The following CFAP52 variants were observed in gnomAD, a reference collection of about 807,000 sequenced individuals.
The protein encoded by CFAP52 is cilia- and flagella-associated protein 52.
CFAP52 carries 57 observed loss-of-function variants against 70.5 expected under a neutral mutation model. The ratio of observed to expected loss-of-function variants is 0.81; its 90% confidence interval spans 0.65 to 1.01. The LOEUF (loss-of-function observed/expected upper bound fraction) is 1.01. Ranked by LOEUF, CFAP52 falls within the 50% of genes least tolerant of loss-of-function variation. The pLI, the probability that CFAP52 is intolerant of heterozygous loss-of-function variation, is 0.00. For synonymous variants in CFAP52, 267 were observed against 292.5 expected, an observed-to-expected ratio of 0.91 and a Z score of 0.89; for missense variants, 785 against 788.5, an observed-to-expected ratio of 1.00 and a Z score of 0.05.
chr17:9,577,759 T>C (rs1228090776), intron 1 of CFAP52, among the ~76,000 whole-genome samples: 2 of 152,204 alleles, frequency 1.3e-5, no homozygotes, highest in African/African-American at 2.4e-5. Context: ...GGTTGCATAA[T>C]GTCACTTGTT....
At chr17:9,635,367 C>A (rs201768867) in intron 10 of CFAP52, 38 bp from the exon 11 acceptor site, 2 of 1,612,006 alleles carry the variant, frequency 1.2e-6, no homozygotes, top group Non-Finnish European at 1.7e-6. Context: ...TCAGAAGTCC[C>A]AAGTGTGGAT....
chr17:9,606,316 G>A (rs1909487367), intron 6 of CFAP52, among the ~76,000 whole-genome samples: 1 of 152,168 alleles, frequency 6.6e-6, no homozygotes, highest in East Asian at 1.9e-4. Context: ...CCGGGAGTTC[G>A]TGGTTACAGT....
Position 9,585,971 on chromosome 17 carries a change from A to G in CFAP52, c.269A>G (p.Lys90Arg). The change falls in exon 2 of 14, where the codon AAG (lysine) becomes AGG (arginine). Residue 90 changes from lysine to arginine, a missense_variant and splice_region_variant. Transcript: ENST00000352665. ...ASGQVTFMGF[K>R]ADIILWDYKN... ...GGACAAGTCACATTCATGGGGTTCA[A>G]GGTGAATACAGTGAAAACGACTCAT... 2 of 1,601,350 alleles carry G rather than the reference A, an allele frequency of 1.2e-6. No homozygotes were observed. Among genetic ancestry groups the G allele is most frequent in the Non-Finnish European group, 1.7e-6 (2 of 1,172,266 alleles).
chr17:9,628,526 C>G (rs1195481394), intron 8 of CFAP52, 146 bp from the exon 9 acceptor site: 5 of 1,056,818 alleles, frequency 4.7e-6, no homozygotes, highest in East Asian at 2.7e-5. Context: ...GATCCACCCC[C>G]CTGGCCTCCC....
rs944305313 is a variant in CFAP52 at position 9,625,690 on chromosome 17, C to T, written c.1026-2982C>T. The stretch of plus-strand genomic sequence containing the variant: ...AGCCACATGCTAACAATTCTCAACC[C>T]TTTCCAGTTGCACTCTTAGAAGAGC... On this transcript the variant is annotated intron_variant, in intron 8 of 13. Transcript: ENST00000352665. 4.6e-5 allele frequency among the ~76,000 whole-genome samples: 7 copies of T among 152,308 alleles called. No individual in the cohort carries two copies. The South Asian group carries it at 1.4e-3, about 32-fold the overall frequency.
At chr17:9,583,182 C>A (rs4791854) in intron 1 of CFAP52, among the ~76,000 whole-genome samples, 113,201 of 151,952 alleles carry the variant, frequency 0.74, 43,025 homozygotes, top group East Asian at 0.98. Flanking sequence ...AATTAGAAAA[C>A]TATAAAAAAT....
At chr17:9,629,886 G>A (rs922033155) in intron 9 of CFAP52, among the ~76,000 whole-genome samples, 1 of 151,836 alleles carries the variant, frequency 6.6e-6, no homozygotes, top group Non-Finnish European at 1.5e-5. Context: ...CACTGCACCC[G>A]GTCCTCACTC....
At chr17:9,640,948 G>A (rs376608849) in intron 12 of CFAP52, among the ~76,000 whole-genome samples, 16 of 152,256 alleles carry the variant, frequency 1.1e-4, no homozygotes, top group African/African-American at 2.2e-4. Context: ...CCAGCTGGCC[G>A]TATCGCATTT....
At chr17:9,636,776 G>A (rs1910823522) in intron 11 of CFAP52, among the ~76,000 whole-genome samples, 2 of 152,208 alleles carry the variant, frequency 1.3e-5, no homozygotes, top group African/African-American at 4.8e-5. Flanking sequence ...GCTGGGCGCG[G>A]TGGCTCCCGC....
rs559991884 is a variant in CFAP52 at position 9,594,414 on chromosome 17, T to G, written c.536+93T>G. 6.9e-5 allele frequency: 102 copies of G among 1,486,044 alleles called. No homozygotes were observed. The African/African-American group carries it at 1.3e-3, about 18-fold the overall frequency. The allele number at this position is 1,486,044 out of a possible 1,614,324, so 92.1% of individuals were successfully genotyped here. ...TCATTCTGATCTGGGGGAACACGTC[T>G]TTAGTCCTGGATAAATACCTTACAT... is the stretch of plus-strand genomic sequence containing the variant. On this transcript the variant is annotated intron_variant, in intron 4 of 13. Coordinates refer to ENST00000352665, the MANE Select transcript of CFAP52 (RefSeq NM_145054.5).
chr17:9,578,093 A>G (rs1908046461), intron 1 of CFAP52, among the ~76,000 whole-genome samples: 1 of 152,092 alleles, frequency 6.6e-6, no homozygotes, highest in Non-Finnish European at 1.5e-5. Flanking sequence ...CTCCGTCTCA[A>G]AAAATAAATA....
In CFAP52 at chr17:9,594,892, G is replaced by GAT. The variant is rs1567623484; in HGVS notation, c.536+571_536+572insAT. On this transcript the variant is annotated intron_variant, in intron 4 of 13. Coordinates refer to ENST00000352665, the MANE Select transcript of CFAP52 (RefSeq NM_145054.5). ...TTGTTTAAATTAGCAAATTAGGGAG[G>GAT]GTTTTTTTTTTTTTTTTTGACAGTG... is the stretch of plus-strand genomic sequence containing the variant. 9.0e-3 allele frequency among the ~76,000 whole-genome samples: 350 copies of GAT among 39,050 alleles called. 1 individual carries two copies. Among genetic ancestry groups the GAT allele is most frequent in the African/African-American group, 0.031 (338 of 10,802 alleles). The allele number at this position is 39,050 out of a possible 152,430, so 25.6% of individuals were successfully genotyped here.
chr17:9,596,061 A>ATGTGTG (rs71135995), intron 4 of CFAP52, among the ~76,000 whole-genome samples: 4 of 50,756 alleles, frequency 7.9e-5, no homozygotes, highest in African/African-American at 2.9e-4. Context: ...ATGTGTGTGT[A>ATGTGTG]TATATATATA....
intron 3 of CFAP52, among the ~76,000 whole-genome samples, chr17:9,589,681 C>T (rs1199434306): frequency 6.7e-6 from 1 of 149,728 alleles, no homozygotes; most frequent in African/African-American, 2.5e-5. Context: ...TGCAGTGAGC[C>T]AAGGTTGTGC....
At chr17:9,634,702 C>G (rs977470517) in intron 10 of CFAP52, among the ~76,000 whole-genome samples, 1 of 151,258 alleles carries the variant, frequency 6.6e-6, no homozygotes, top group African/African-American at 2.4e-5. Flanking sequence ...AGGCAGAGGT[C>G]GCAGTGAGCC....
chr17:9,609,542 A>G (rs1354840255), intron 7 of CFAP52, among the ~76,000 whole-genome samples: 1 of 152,054 alleles, frequency 6.6e-6, no homozygotes, highest in Non-Finnish European at 1.5e-5. Flanking sequence ...AAAAAAATAC[A>G]AAAATTAGCC....
At chr17:9,580,387 G>A (rs1239631303) in intron 1 of CFAP52, among the ~76,000 whole-genome samples, 3 of 149,822 alleles carry the variant, frequency 2.0e-5, no homozygotes, top group Non-Finnish European at 4.4e-5. Context: ...AGCTCAAAAA[G>A]CTTAAAAATG....
chr17:9,644,226 C>G (rs1911218359), downstream of CFAP52, among the ~76,000 whole-genome samples: 1 of 152,162 alleles, frequency 6.6e-6, no homozygotes, highest in African/African-American at 2.4e-5. Context: ...CTGCCTCAGC[C>G]TCCTGAGTAG....
chr17:9,624,689 A>G (rs1315769249), intron 8 of CFAP52, among the ~76,000 whole-genome samples: 1 of 151,324 alleles, frequency 6.6e-6, no homozygotes, highest in African/African-American at 2.4e-5. Context: ...GTTGCTTCTG[A>G]CTCTGCCTTT....
Sources: allele counts gnomAD v4.1 joint callset (sites outside exome capture counted in the v4.1 genomes callset), GRCh38; gene constraint gnomAD v4.1.1; transcripts MANE v1.5; gene names NCBI Gene and HGNC (gene_info 2026-07-23, HGNC 2026-07-21).